Variants in SPAG16 observed in about 807,000 individuals in gnomAD.
The protein encoded by SPAG16 is sperm associated antigen 16.
A neutral mutation model predicts 80.4 loss-of-function variants in SPAG16; 86 were observed. That is an observed-to-expected ratio of 1.07 (90% CI 0.90 to 1.28). SPAG16 has a LOEUF of 1.28. Ranked by LOEUF, SPAG16 falls within the 50% of genes most tolerant of loss-of-function variation. The pLI, the probability that SPAG16 is intolerant of heterozygous loss-of-function variation, is 0.00. For synonymous variants in SPAG16, 294 were observed against 265.9 expected (o/e 1.11, Z -1.03); for missense variants, 870 against 765.3 (o/e 1.14, Z -1.61).
intron 10 of SPAG16, among the ~76,000 whole-genome samples, chr2:213,507,239 ATAAT>A (rs1353744042): frequency 6.6e-6 from 1 of 152,230 alleles, no homozygotes; most frequent in Admixed American, 6.5e-5. Context: ...ATGATGCTAA[ATAAT>A]TATACATTGT....
chr2:213,747,961 A>G (rs574540661), intron 10 of SPAG16, among the ~76,000 whole-genome samples: 1 of 152,366 alleles, frequency 6.6e-6, no homozygotes, highest in South Asian at 2.1e-4. Flanking sequence ...TGCTTTCCAT[A>G]TAAAACTCAG....
At chr2:213,561,378 G>A (rs1203282728) in intron 10 of SPAG16, among the ~76,000 whole-genome samples, 1 of 152,016 alleles carries the variant, frequency 6.6e-6, no homozygotes, top group Non-Finnish European at 1.5e-5. Flanking sequence ...TTGGATTTGT[G>A]CATAAAAATA....
At chr2:213,783,347 A>T (rs540646259) in intron 10 of SPAG16, among the ~76,000 whole-genome samples, 13 of 151,264 alleles carry the variant, frequency 8.6e-5, no homozygotes, top group African/African-American at 2.9e-4. Flanking sequence ...TTAATGACTT[A>T]GGAAGAATCA....
chr2:213,288,257 G>T lies in SPAG16; in HGVS notation c.136+3638G>T, dbSNP rs546570497. ...TAACAGTTCTATCTAGTCTTTCATT[G>T]CCATAGTAATGTTGACTGATAACTT... is the stretch of plus-strand genomic sequence containing the variant. On this transcript the variant is annotated intron_variant, in intron 1 of 15. Coordinates refer to ENST00000331683, the MANE Select transcript of SPAG16 (RefSeq NM_024532.5). Among the ~76,000 whole-genome samples, 29 of 151,914 alleles carry T rather than the reference G, an allele frequency of 1.9e-4. No homozygotes were observed. The East Asian group carries it at 5.5e-3, about 29-fold the overall frequency.
At chr2:213,906,967 A>G (rs1444066896) in intron 11 of SPAG16, among the ~76,000 whole-genome samples, 3 of 152,212 alleles carry the variant, frequency 2.0e-5, no homozygotes, top group Admixed American at 6.5e-5. Context: ...TTTTGTGGGT[A>G]AGACTTAAAA....
intron 15 of SPAG16, among the ~76,000 whole-genome samples, chr2:214,369,557 G>A (rs1416314408): frequency 1.3e-5 from 2 of 151,688 alleles, no homozygotes; most frequent in Non-Finnish European, 2.9e-5. Context: ...ATTCTTCCTC[G>A]GCTCTTTTTC....
chr2:214,309,502 TCTTTCTCATGTTTGTGGGC>T (rs1380614445), intron 15 of SPAG16, among the ~76,000 whole-genome samples: 4 of 152,174 alleles, frequency 2.6e-5, no homozygotes, highest in Non-Finnish European at 5.9e-5. Context: ...TTGTGCTGAT[TCTTTCTCATGTTTGTGGGC>T]CTATCTACCT....
chr2:213,309,409 C>T (rs1340358386), intron 3 of SPAG16, among the ~76,000 whole-genome samples: 1 of 152,060 alleles, frequency 6.6e-6, no homozygotes. Context: ...TTATTTTCTC[C>T]ATAGTGTTTC....
intron 1 of SPAG16, among the ~76,000 whole-genome samples, chr2:213,284,945 C>G (rs1033487945): frequency 2.0e-5 from 3 of 152,176 alleles, no homozygotes; most frequent in African/African-American, 7.2e-5. Context: ...CTTCAACCCT[C>G]CTTTCAAATA....
chr2:213,946,577 C>T (rs1196609404), intron 12 of SPAG16, among the ~76,000 whole-genome samples: 2 of 152,196 alleles, frequency 1.3e-5, no homozygotes, highest in African/African-American at 2.4e-5. Context: ...GAGTATCCTT[C>T]ACCCAAATTT....
intron 13 of SPAG16, among the ~76,000 whole-genome samples, chr2:214,032,478 T>G (rs956376853): frequency 1.3e-5 from 2 of 152,042 alleles, no homozygotes; most frequent in Admixed American, 6.6e-5. Context: ...AGCTGAAAAT[T>G]TATGGGCATA....
Position 214,062,513 on chromosome 2 carries a change from A to G in SPAG16, c.1528-45683A>G, listed in dbSNP as rs373059766. 1.1e-4 allele frequency among the ~76,000 whole-genome samples: 17 copies of G among 151,494 alleles called. No homozygotes were observed. In the East Asian group the frequency reaches 2.3e-3, roughly 21 times the overall value. On this transcript the variant is annotated intron_variant, in intron 13 of 15. Coordinates refer to ENST00000331683, the MANE Select transcript of SPAG16 (RefSeq NM_024532.5). ...TCCCCAAACATGCATTTCCCACTAC[A>G]CAACCCATTTCAATTGATGGCAACA...
chr2:214,106,657 G>T (rs1040680871), intron 13 of SPAG16, among the ~76,000 whole-genome samples: 1 of 151,940 alleles, frequency 6.6e-6, no homozygotes, highest in Non-Finnish European at 1.5e-5. Flanking sequence ...ACAGTGAGGG[G>T]CATCATGATG....
chr2:214,042,863 A>T (rs550661158), intron 13 of SPAG16, among the ~76,000 whole-genome samples: 1 of 152,162 alleles, frequency 6.6e-6, no homozygotes, highest in Non-Finnish European at 1.5e-5. Context: ...GATGAAATAT[A>T]GCACATTTTT....
chr2:213,694,083 C>A (rs566436455), intron 10 of SPAG16, among the ~76,000 whole-genome samples: 1 of 150,582 alleles, frequency 6.6e-6, no homozygotes, highest in Admixed American at 6.6e-5. Flanking sequence ...AAAGAAGAAG[C>A]GAAGAAAAGA....
chr2:213,364,217 A>G (rs1341399653), intron 8 of SPAG16, 72 bp downstream of exon 8: 1 of 868,538 alleles, frequency 1.2e-6, no homozygotes, highest in African/African-American at 1.8e-5. Flanking sequence ...AGTGATTAAT[A>G]TTCTAGAGAT....
At chr2:213,836,504 T>A (rs1369231476) in intron 10 of SPAG16, among the ~76,000 whole-genome samples, 1 of 152,184 alleles carries the variant, frequency 6.6e-6, no homozygotes, top group Non-Finnish European at 1.5e-5. Flanking sequence ...ATTAGTCTTT[T>A]ATGGTGGCAA....
rs144226736 is a variant in SPAG16, at chr2:213,786,639, G to A, written c.1071-75846G>A. 7.7e-4 allele frequency among the ~76,000 whole-genome samples: 117 copies of A among 152,236 alleles called. 1 individual carries two copies. The Middle Eastern group carries it at 0.031, about 40-fold the overall frequency. The stretch of plus-strand genomic sequence containing the variant: ...GGCCTCAGATAGAAGATGATGTAGA[G>A]CTATGCAAACTGTGTATTCATAAAA... On this transcript the variant is annotated intron_variant, in intron 10 of 15. Coordinates refer to ENST00000331683, the MANE Select transcript of SPAG16 (RefSeq NM_024532.5).
At chr2:214,369,028 C>T (rs956846847) in intron 15 of SPAG16, among the ~76,000 whole-genome samples, 4 of 152,058 alleles carry the variant, frequency 2.6e-5, no homozygotes, top group Non-Finnish European at 4.4e-5. Context: ...AATTATTTCA[C>T]GTGCTGTTGC....
Sources: allele counts gnomAD v4.1 joint callset (sites outside exome capture counted in the v4.1 genomes callset), GRCh38; gene constraint gnomAD v4.1.1; transcripts MANE v1.5; gene names NCBI Gene and HGNC (gene_info 2026-07-23, HGNC 2026-07-21).